Variants in STARD6 observed in about 807,000 individuals in gnomAD.
STARD6 encodes the protein stAR-related lipid transfer protein 6.
Under a neutral mutation model 22.3 loss-of-function variants are expected in STARD6, and 21 were observed. That is an observed-to-expected ratio of 0.94 (90% confidence interval 0.67 to 1.35). STARD6 has a LOEUF of 1.35. STARD6 is among the 40% of genes most tolerant of loss of function. The pLI, the probability that STARD6 is intolerant of heterozygous loss-of-function variation, is 0.00. For synonymous variants in STARD6, 80 were observed against 88.1 expected (o/e 0.91, Z 0.52); for missense variants, 269 against 266.9 (o/e 1.01, Z -0.05).
At chr18:54,356,966 T>C (rs2089152128) in intron 1 of STARD6, 1 of 152,190 alleles carries the variant, frequency 6.6e-6, no homozygotes, top group Non-Finnish European at 1.5e-5. Context: ...GACTTTTTCA[T>C]TTGCTAAGAG....
At chr18:54,340,112 T>A (rs963849183) in intron 4 of STARD6, among the ~76,000 whole-genome samples, 2 of 152,176 alleles carry the variant, frequency 1.3e-5, no homozygotes, top group African/African-American at 4.8e-5. Context: ...TATATGTGTA[T>A]TTAGATGGGT....
chr18:54,343,418 G>C (rs1173265156), intron 4 of STARD6, among the ~76,000 whole-genome samples: 2 of 139,056 alleles, frequency 1.4e-5, no homozygotes, highest in African/African-American at 5.5e-5. Flanking sequence ...GGAGGGAGGT[G>C]GGGGGGTCAG....
At chr18:54,351,740 T>C (rs935020466) in intron 4 of STARD6, among the ~76,000 whole-genome samples, 4 of 152,154 alleles carry the variant, frequency 2.6e-5, no homozygotes, top group African/African-American at 9.7e-5. Context: ...ATGTGATCTA[T>C]CACATTTATT....
At chr18:54,328,464 A>G (rs1599294684) in intron 7 of STARD6, among the ~76,000 whole-genome samples, 1 of 152,324 alleles carries the variant, frequency 6.6e-6, no homozygotes, top group South Asian at 2.1e-4. Flanking sequence ...TTGGCCATAG[A>G]TTCAAAATTG....
At chr18:54,333,675 T>C (rs922279152) in intron 5 of STARD6, among the ~76,000 whole-genome samples, 4 of 152,196 alleles carry the variant, frequency 2.6e-5, no homozygotes, top group African/African-American at 9.6e-5. Context: ...TTCTACAAGA[T>C]GAAACAGATT....
intron 7 of STARD6, 62 bp from the exon 8 acceptor site, chr18:54,324,937 C>G: frequency 2.9e-6 from 4 of 1,372,404 alleles, no homozygotes; most frequent in Non-Finnish European, 3.8e-6. Context: ...ACTGACTTTA[C>G]AGGTTTTTGG....
chr18:54,354,011 A>G lies in STARD6; in HGVS notation c.140+43T>C, dbSNP rs199876252. ...CTGAAATTCCAGATACATCAATGGC[A>G]TTGAATTTAAAACAGTAATTGTAAA... is the stretch of plus-strand genomic sequence containing the variant. On this transcript the variant is annotated intron_variant, in intron 4 of 7. Coordinates refer to ENST00000307844, the MANE Select transcript of STARD6 (RefSeq NM_139171.2). 3.6e-5 allele frequency: 45 copies of G among 1,265,248 alleles called. No homozygotes were observed. The Admixed American group carries it at 5.2e-4, about 15-fold the overall frequency. The allele number at this position is 1,265,248 out of a possible 1,614,324, so 78.4% of individuals were successfully genotyped here. A position where few individuals can be genotyped will look rare whatever the true frequency, so the allele number is the denominator to read the frequency against.
chr18:54,340,637 A>G (rs562227092), intron 4 of STARD6, among the ~76,000 whole-genome samples: 6 of 152,358 alleles, frequency 3.9e-5, no homozygotes, highest in Non-Finnish European at 8.8e-5. Context: ...TAACAGTAAC[A>G]TTAGGTGTGA....
chr18:54,346,495 T>A (rs1033364091), intron 4 of STARD6, among the ~76,000 whole-genome samples: 2 of 152,056 alleles, frequency 1.3e-5, no homozygotes, highest in African/African-American at 4.8e-5. Flanking sequence ...TCTAAAATGA[T>A]CTAGTAGTTC....
intron 7 of STARD6, 21 bp from the exon 8 acceptor site, chr18:54,324,896 A>T (rs745746707): frequency 4.1e-5 from 60 of 1,479,098 alleles, no homozygotes; most frequent in Admixed American, 2.0e-4. Context: ...AAGAAGAGTT[A>T]AAAAAAGATA....
At chr18:54,357,327 T>C (rs2089160101) in intron 1 of STARD6, among the ~76,000 whole-genome samples, 1 of 152,174 alleles carries the variant, frequency 6.6e-6, no homozygotes, top group African/African-American at 2.4e-5. Flanking sequence ...CATTCTTCCC[T>C]GGGAATCAAG....
intron 5 of STARD6, among the ~76,000 whole-genome samples, chr18:54,332,780 C>G (rs957091336): frequency 7.9e-5 from 12 of 152,138 alleles, no homozygotes; most frequent in Non-Finnish European, 1.5e-5. Flanking sequence ...TGGCACATGC[C>G]TGTAATTCCA....
At chr18:54,350,785 T>C (rs1256408932) in intron 4 of STARD6, among the ~76,000 whole-genome samples, 6 of 152,146 alleles carry the variant, frequency 3.9e-5, no homozygotes, top group African/African-American at 9.7e-5. Context: ...TGTGGATCAG[T>C]TGGCTGTGGG....
In STARD6 at chr18:54,337,214, T is replaced by A. The variant is rs1478778860; in HGVS notation, c.178A>T (p.Lys60Ter). ...VEGIIPESPAKLSDFLYQTGD... is the reference protein window; with the variant it reads ...VEGIIPESPA ...GTTTGGTAGAGGAAATCAGATAGTT[T>A]AGCTGGTGATTCTGGAATTATCCCT... is the stretch of plus-strand genomic sequence containing the variant. The change falls in exon 5 of 8, where the codon AAA (lysine) becomes TAA (stop). Residue 60 changes from lysine (K) to a stop codon, truncating the protein, a stop_gained. Transcript: ENST00000307844. LOFTEE classifies it high-confidence loss of function. 8 of 1,613,368 alleles carry A rather than the reference T, an allele frequency of 5.0e-6. No individual in the cohort carries two copies. The highest frequency in any genetic ancestry group is 6.8e-6 in the Non-Finnish European group (8 of 1,179,686).
At chr18:54,348,807 C>T (rs915845360) in intron 4 of STARD6, among the ~76,000 whole-genome samples, 1 of 152,106 alleles carries the variant, frequency 6.6e-6, no homozygotes, top group African/African-American at 2.4e-5. Context: ...GCTTCTCTTC[C>T]AGGCAAATGC....
intron 4 of STARD6, among the ~76,000 whole-genome samples, chr18:54,346,110 A>G (rs887053554): frequency 3.3e-5 from 5 of 152,196 alleles, no homozygotes; most frequent in Admixed American, 6.5e-5. Context: ...AAAGGATACC[A>G]TCAAGAGAGT....
intron 3 of STARD6, 112 bp downstream of exon 3, chr18:54,354,372 G>A: frequency 1.1e-6 from 1 of 914,580 alleles, no homozygotes; most frequent in Non-Finnish European, 1.7e-6. Flanking sequence ...GGGACTATAG[G>A]TGCACACCAC....
chr18:54,335,167 GTTATTTAT>G (rs59377707), intron 5 of STARD6, among the ~76,000 whole-genome samples: 4,136 of 144,886 alleles, frequency 0.029, 125 homozygotes, highest in African/African-American at 0.072. Context: ...CCTCCAGGTG[GTTATTTAT>G]TTATTTATTT....
Position 54,354,568 on chromosome 18 carries a change from G to C in STARD6, c.6C>G (p.Asp2Glu), listed in dbSNP as rs1489061355. 3.7e-6 allele frequency: 6 copies of C among 1,612,380 alleles called. No homozygotes were observed. Among genetic ancestry groups the C allele is most frequent in the East Asian group, 4.5e-5 (2 of 44,838 alleles). The change falls in exon 3 of 8, where the codon GAC (aspartate) becomes GAG (glutamate). Residue 2 changes from aspartate (D) to glutamate (E), a missense_variant. By Grantham distance (45) the Asp-to-Glu change is conservative (BLOSUM62 2). Transcript: ENST00000307844. Reference protein sequence around the residue: MDFKAIAQQTAQ... With the variant: MEFKAIAQQTAQ... ...CAGTTTGTTGGGCAATTGCCTTGAAGTCCATCTATCTGCAAGTTTTAAAAA... is the reference window on the plus strand; with the variant it reads ...CAGTTTGTTGGGCAATTGCCTTGAACTCCATCTATCTGCAAGTTTTAAAAA...
Sources: gnomAD v4.1 joint callset for allele counts (sites outside exome capture counted in the v4.1 genomes callset) on GRCh38, gnomAD v4.1.1 for gene constraint, MANE v1.5 for transcripts, NCBI Gene and HGNC (gene_info 2026-07-23, HGNC 2026-07-21) for gene names.